The following BANK1 variants were observed in gnomAD, a reference collection of about 807,000 sequenced individuals.
BANK1 encodes the protein B-cell scaffold protein with ankyrin repeats.
In BANK1, 95 loss-of-function variants were observed where a neutral mutation model predicts 94.5. The ratio of observed to expected loss-of-function variants is 1.00; its 90% CI spans 0.85 to 1.19. The LOEUF (loss-of-function observed/expected upper bound fraction) is 1.19. Among genes scored for constraint, BANK1 ranks in the 50% most tolerant of loss-of-function variants. BANK1 has a pLI of 0.00. For missense variants in BANK1, 987 were observed against 932.2 expected, an observed-to-expected ratio of 1.06 and a Z score of -0.77; for synonymous variants, 334 against 308.4, an observed-to-expected ratio of 1.08 and a Z score of -0.87.
At chr4:101,868,005 T>C (rs1262081836) in intron 4 of BANK1, among the ~76,000 whole-genome samples, 1 of 151,790 alleles carries the variant, frequency 6.6e-6, no homozygotes, top group African/African-American at 2.4e-5. Flanking sequence ...GAACGCCAAT[T>C]AAAAGACAGA....
chr4:102,068,827 CAAAAA>C (rs35925022), intron 13 of BANK1, among the ~76,000 whole-genome samples: 1 of 137,552 alleles, frequency 7.3e-6, no homozygotes. Flanking sequence ...GACTCCATCT[CAAAAA>C]AAAAAAAAAG....
At chr4:102,067,799 T>C (rs567954679) in intron 13 of BANK1, among the ~76,000 whole-genome samples, 3 of 152,088 alleles carry the variant, frequency 2.0e-5, no homozygotes, top group Admixed American at 2.0e-4. Flanking sequence ...TCAGCTAACT[T>C]GACCCAATTG....
chr4:101,845,447 G>A (rs566060310), intron 2 of BANK1, among the ~76,000 whole-genome samples: 1 of 152,034 alleles, frequency 6.6e-6, no homozygotes, highest in Non-Finnish European at 1.5e-5. Flanking sequence ...CAAAATTCAA[G>A]TACTACCTCT....
intron 7 of BANK1, among the ~76,000 whole-genome samples, chr4:101,943,037 T>A (rs1170380917): frequency 6.6e-6 from 1 of 151,920 alleles, no homozygotes; most frequent in Non-Finnish European, 1.5e-5. Context: ...CAATGGTAGT[T>A]AGCCAAGAGG....
chr4:101,952,575 A>G (rs781445307), intron 7 of BANK1, among the ~76,000 whole-genome samples: 6 of 152,146 alleles, frequency 3.9e-5, no homozygotes, highest in Non-Finnish European at 7.4e-5. Context: ...GCATATGATT[A>G]TAATTTGGTA....
intron 8 of BANK1, among the ~76,000 whole-genome samples, chr4:102,024,736 G>A (rs1205240792): frequency 6.6e-6 from 1 of 151,994 alleles, no homozygotes; most frequent in African/African-American, 2.4e-5. Context: ...ATAGTTATCT[G>A]TAAAGATCAA....
At chr4:101,986,906 T>C (rs1453584484) in intron 7 of BANK1, among the ~76,000 whole-genome samples, 1 of 127,248 alleles carries the variant, frequency 7.9e-6, no homozygotes, top group Non-Finnish European at 1.6e-5. Flanking sequence ...TGTGTATATA[T>C]ATATATATAT....
At chr4:102,026,564 C>T (rs147962047) in intron 9 of BANK1, among the ~76,000 whole-genome samples, 1 of 152,256 alleles carries the variant, frequency 6.6e-6, no homozygotes, top group Admixed American at 6.5e-5. Flanking sequence ...CACAGTGGCT[C>T]ATGCCTGTAA....
chr4:101,899,709 G>C (rs1365089314), intron 6 of BANK1, among the ~76,000 whole-genome samples: 1 of 152,074 alleles, frequency 6.6e-6, no homozygotes, highest in Admixed American at 6.6e-5. Flanking sequence ...AAGAAGAAGG[G>C]AGAGAAAAAA....
chr4:101,798,605 T>C (rs1043631103), intron 1 of BANK1, among the ~76,000 whole-genome samples: 2 of 152,278 alleles, frequency 1.3e-5, no homozygotes, highest in East Asian at 1.9e-4. Context: ...TATTTCTCCA[T>C]ATCCTCTCCA....
At chr4:101,943,744 T>C (rs1723829023) in intron 7 of BANK1, among the ~76,000 whole-genome samples, 2 of 151,854 alleles carry the variant, frequency 1.3e-5, no homozygotes, top group African/African-American at 2.4e-5. Flanking sequence ...CAGAGCACAG[T>C]TTAAAAGAAT....
intron 11 of BANK1, among the ~76,000 whole-genome samples, chr4:102,047,447 T>C (rs746860586): frequency 2.6e-5 from 4 of 152,110 alleles, no homozygotes; most frequent in Admixed American, 6.6e-5. Flanking sequence ...TTAAGTCTAC[T>C]ATTATCCTCC....
chr4:101,953,229 C>G (rs538964393), intron 7 of BANK1, among the ~76,000 whole-genome samples: 1 of 152,258 alleles, frequency 6.6e-6, no homozygotes, highest in East Asian at 1.9e-4. Flanking sequence ...TAGCTGACAG[C>G]AAAGATAGCA....
chr4:101,929,786 G>A (rs1053767522), intron 7 of BANK1, among the ~76,000 whole-genome samples: 1 of 149,886 alleles, frequency 6.7e-6, no homozygotes, highest in East Asian at 2.2e-4. Flanking sequence ...TAGTTTGTTG[G>A]GGGGGGACTA....
At chr4:101,989,531 A>T (rs1439765590) in intron 7 of BANK1, among the ~76,000 whole-genome samples, 1 of 151,690 alleles carries the variant, frequency 6.6e-6, no homozygotes, top group Non-Finnish European at 1.5e-5. Context: ...TAAAGAACTT[A>T]TTTCAATTTT....
chr4:101,825,438 A>G (rs1297472558), intron 1 of BANK1, among the ~76,000 whole-genome samples: 3 of 152,134 alleles, frequency 2.0e-5, no homozygotes, highest in African/African-American at 7.2e-5. Flanking sequence ...AAAAGGGAAA[A>G]GAAAACCATG....
At chr4:101,956,434 A>T (rs1724346940) in intron 7 of BANK1, among the ~76,000 whole-genome samples, 2 of 152,190 alleles carry the variant, frequency 1.3e-5, no homozygotes, top group African/African-American at 4.8e-5. Context: ...TGTGGTTGCA[A>T]ACTCAGAGCA....
chr4:101,940,431 C>T (rs1438669231), intron 7 of BANK1, among the ~76,000 whole-genome samples: 1 of 151,580 alleles, frequency 6.6e-6, no homozygotes, highest in Non-Finnish European at 1.5e-5. Flanking sequence ...ATTAATGAAC[C>T]AATATTGATA....
intron 1 of BANK1, among the ~76,000 whole-genome samples, chr4:101,806,685 A>T (rs1253322633): frequency 6.6e-6 from 1 of 152,320 alleles, no homozygotes; most frequent in East Asian, 1.9e-4. Flanking sequence ...TCTGAACAAA[A>T]ACACTGCAGA....
Sources: gnomAD v4.1 joint callset for allele counts (sites outside exome capture counted in the v4.1 genomes callset) on GRCh38, gnomAD v4.1.1 for gene constraint, MANE v1.5 for transcripts, NCBI Gene and HGNC (gene_info 2026-07-23, HGNC 2026-07-21) for gene names.